VPS13B: variants seen among roughly 807,000 people sequenced by gnomAD.
The protein encoded by VPS13B is intermembrane lipid transfer protein VPS13B.
In VPS13B, 285 loss-of-function variants were observed where a neutral mutation model predicts 426.4. That is an observed-to-expected ratio of 0.67 (90% CI 0.61 to 0.74). The LOEUF is 0.74. Ranked by LOEUF, VPS13B falls within the 30% of genes least tolerant of loss-of-function variation. The pLI is 0.00. For missense variants in VPS13B, 4,537 were observed against 4,782.6 expected, an observed-to-expected ratio of 0.95 and a Z score of 1.51; for synonymous variants, 1,676 against 1,676.4, an observed-to-expected ratio of 1.00 and a Z score of 0.01.
At chr8:99,400,291 C>T (rs981951120) in intron 21 of VPS13B, among the ~76,000 whole-genome samples, 1 of 152,182 alleles carries the variant, frequency 6.6e-6, no homozygotes, top group Admixed American at 6.5e-5. Context: ...AAATAAGAAC[C>T]CCCATCCCCA....
intron 23 of VPS13B, among the ~76,000 whole-genome samples, chr8:99,443,239 C>T (rs2133442276): frequency 6.6e-6 from 1 of 152,108 alleles, no homozygotes; most frequent in African/African-American, 2.4e-5. Flanking sequence ...ATAAAGTAAT[C>T]TGAATATATA....
intron 15 of VPS13B, among the ~76,000 whole-genome samples, chr8:99,161,631 A>G (rs553891107): frequency 6.6e-6 from 1 of 152,164 alleles, no homozygotes; most frequent in East Asian, 1.9e-4. Flanking sequence ...TACAGTCATA[A>G]TGGATACGTT....
intron 19 of VPS13B, among the ~76,000 whole-genome samples, chr8:99,338,716 A>C (rs1360832810): frequency 6.6e-6 from 1 of 152,134 alleles, no homozygotes; most frequent in Non-Finnish European, 1.5e-5. Flanking sequence ...AGTGTCTCTC[A>C]ATCGTTTATA....
chr8:99,199,480 A>G (rs549636102), intron 17 of VPS13B, among the ~76,000 whole-genome samples: 4 of 152,048 alleles, frequency 2.6e-5, no homozygotes, highest in Non-Finnish European at 5.9e-5. Flanking sequence ...CCAGAACCAT[A>G]ATTTTTAAAG....
intron 2 of VPS13B, among the ~76,000 whole-genome samples, chr8:99,020,397 A>G (rs548880172): frequency 6.6e-6 from 1 of 152,292 alleles, no homozygotes; most frequent in Admixed American, 6.5e-5. Flanking sequence ...CCCTTAGCAG[A>G]TACATGATTT....
rs1467620142 is a variant in VPS13B at position 99,876,632 on chromosome 8, G to A, written c.*966G>A. ...CTGTGGAATTGACTTGACAAAGCATGAAGATATTCCCAGTGTCTGTCTGAT... is the reference window on the plus strand; with the variant it reads ...CTGTGGAATTGACTTGACAAAGCATAAAGATATTCCCAGTGTCTGTCTGAT... On this transcript the variant is annotated 3_prime_UTR_variant, in exon 62 of 62. Transcript: ENST00000357162. 6.6e-6 allele frequency: 1 copy of A among 152,184 alleles called. No individual in the cohort carries two copies. Among genetic ancestry groups the A allele is most frequent in the Non-Finnish European group, 1.5e-5 (1 of 68,032 alleles). The allele number at this position is 152,184 out of a possible 1,614,324, so 9.4% of individuals were successfully genotyped here.
At chr8:99,238,676 T>TA (rs1322111667) in intron 17 of VPS13B, among the ~76,000 whole-genome samples, 1 of 152,164 alleles carries the variant, frequency 6.6e-6, no homozygotes, top group Non-Finnish European at 1.5e-5. Flanking sequence ...ATAATAAAGC[T>TA]AAAACAATTG....
At chr8:99,423,437 T>TTG (rs1563721900) in intron 21 of VPS13B, among the ~76,000 whole-genome samples, 5 of 151,246 alleles carry the variant, frequency 3.3e-5, no homozygotes, top group African/African-American at 1.2e-4. Flanking sequence ...TTTTTTTTTT[T>TTG]TTGTATTTTT....
intron 23 of VPS13B, among the ~76,000 whole-genome samples, chr8:99,460,796 A>G (rs761984103): frequency 6.6e-6 from 1 of 151,984 alleles, no homozygotes; most frequent in Non-Finnish European, 1.5e-5. Flanking sequence ...GAGTGTGGAC[A>G]TTGTTCACCA....
intron 30 of VPS13B, among the ~76,000 whole-genome samples, chr8:99,532,721 T>C (rs1027730474): frequency 6.8e-6 from 1 of 147,552 alleles, no homozygotes; most frequent in Non-Finnish European, 1.5e-5. Context: ...AAATTAACTT[T>C]AATTACAAAT....
chr8:99,151,726 T>A (rs1042324814), intron 14 of VPS13B, among the ~76,000 whole-genome samples: 1 of 152,056 alleles, frequency 6.6e-6, no homozygotes, highest in Non-Finnish European at 1.5e-5. Context: ...AGAGAAGGGG[T>A]TTCTCCATGT....
At chr8:99,248,587 A>G (rs1158577389) in intron 17 of VPS13B, among the ~76,000 whole-genome samples, 1 of 152,192 alleles carries the variant, frequency 6.6e-6, no homozygotes, top group Non-Finnish European at 1.5e-5. Context: ...TAGATATACA[A>G]GCCCCTATAT....
intron 5 of VPS13B, among the ~76,000 whole-genome samples, chr8:99,106,393 C>T (rs1370083308): frequency 6.8e-6 from 1 of 146,346 alleles, no homozygotes; most frequent in Non-Finnish European, 1.5e-5. Context: ...CGAAATTGTG[C>T]CACTGCACTC....
At chr8:99,113,232 A>G (rs934227574) in intron 6 of VPS13B, among the ~76,000 whole-genome samples, 2 of 151,968 alleles carry the variant, frequency 1.3e-5, no homozygotes, top group Non-Finnish European at 2.9e-5. Flanking sequence ...TTAAGTAGCT[A>G]GGACTACAGG....
chr8:99,388,983 T>C (rs944198700), intron 20 of VPS13B, among the ~76,000 whole-genome samples: 2 of 152,134 alleles, frequency 1.3e-5, no homozygotes, highest in African/African-American at 4.8e-5. Flanking sequence ...ACCCTATCTC[T>C]AATAAAAATA....
intron 54 of VPS13B, among the ~76,000 whole-genome samples, chr8:99,842,814 T>G (rs1250714768): frequency 6.6e-6 from 1 of 152,146 alleles, no homozygotes; most frequent in Non-Finnish European, 1.5e-5. Context: ...TTGTACTAAG[T>G]AGAAACCAGT....
intron 19 of VPS13B, among the ~76,000 whole-genome samples, chr8:99,341,976 G>A (rs1277959053): frequency 6.6e-6 from 1 of 152,068 alleles, no homozygotes; most frequent in Admixed American, 6.5e-5. Context: ...CTTAATTCAG[G>A]CACTTAATTG....
Position 99,766,774 on chromosome 8 carries a change from G to A in VPS13B, c.7051G>A (p.Val2351Ile), listed in dbSNP as rs762306496. ...CTAAATTTTTTTTATTTTAACATAG[G>A]TTCCTTGTAGCTTGGAATACTGGGA... ...STADLGDVLQ[V>I]PCSLEYWDEL... Residue 2351 changes from valine (V) to isoleucine (I), a missense_variant and splice_region_variant, in exon 40 of 62, where the codon GTT (valine) becomes ATT (isoleucine). Around this residue, in one of 2 missense-constraint regions of VPS13B, gnomAD observed 4,311 missense variants for 4,474.3 expected, o/e 0.96. Coordinates refer to ENST00000357162, the MANE Select transcript of VPS13B (RefSeq NM_152564.5). 2.5e-6 allele frequency: 4 copies of A among 1,612,642 alleles called. No homozygotes were observed. The highest frequency in any genetic ancestry group is 3.4e-6 in the Non-Finnish European group (4 of 1,179,700).
chr8:99,761,208 CAT>C (rs760738996), intron 39 of VPS13B, among the ~76,000 whole-genome samples: 4 of 152,216 alleles, frequency 2.6e-5, no homozygotes, highest in African/African-American at 7.2e-5. Context: ...GCATAACTGA[CAT>C]ACTTTGGTAT....
Sources: gnomAD v4.1 joint callset for allele counts (sites outside exome capture counted in the v4.1 genomes callset) on GRCh38, gnomAD v4.1.1 for gene constraint, gnomAD v4.1.1 regional missense constraint, MANE v1.5 for transcripts, NCBI Gene and HGNC (gene_info 2026-07-23, HGNC 2026-07-21) for gene names.